The following ZMAT4 variants were observed in gnomAD, a reference collection of about 807,000 sequenced individuals.
ZMAT4 encodes zinc finger matrin-type protein 4.
In ZMAT4, 17 loss-of-function variants were observed where a neutral mutation model predicts 28.7. That is an observed-to-expected ratio of 0.59 (90% confidence interval 0.41 to 0.89). The LOEUF (loss-of-function observed/expected upper bound fraction) is 0.89. ZMAT4 is among the 40% of genes least tolerant of loss of function. The pLI, the probability that ZMAT4 is intolerant of heterozygous loss-of-function variation, is 0.00. For synonymous variants in ZMAT4, 117 were observed against 109.2 expected (o/e 1.07, Z -0.44); for missense variants, 240 against 283.8 (o/e 0.85, Z 1.11).
intron 3 of ZMAT4, among the ~76,000 whole-genome samples, chr8:40,715,349 A>G (rs1237017553): frequency 6.6e-6 from 1 of 152,150 alleles, no homozygotes; most frequent in Non-Finnish European, 1.5e-5. Flanking sequence ...TGGTACCCAG[A>G]GTGAGAGGCA....
At chr8:40,772,073 A>G (rs138643622) in intron 2 of ZMAT4, among the ~76,000 whole-genome samples, 43 of 152,282 alleles carry the variant, frequency 2.8e-4, no homozygotes, top group Admixed American at 9.2e-4. Flanking sequence ...AGAATTAACA[A>G]TCTCTTCCAA....
intron 5 of ZMAT4, among the ~76,000 whole-genome samples, chr8:40,622,542 G>A (rs1161496789): frequency 6.6e-6 from 1 of 152,168 alleles, no homozygotes; most frequent in Non-Finnish European, 1.5e-5. Flanking sequence ...GCTAAAGAGG[G>A]GATTATCTTT....
intron 5 of ZMAT4, among the ~76,000 whole-genome samples, chr8:40,644,598 T>C (rs1413177196): frequency 6.6e-6 from 1 of 152,192 alleles, no homozygotes; most frequent in African/African-American, 2.4e-5. Flanking sequence ...AGAGGATAGA[T>C]AAACCTCACA....
chr8:40,870,686 C>T (rs942851691), intron 1 of ZMAT4, among the ~76,000 whole-genome samples: 3 of 152,204 alleles, frequency 2.0e-5, no homozygotes, highest in Non-Finnish European at 2.9e-5. Flanking sequence ...CTGGCACCAA[C>T]ATGTCCTTCA....
intron 2 of ZMAT4, among the ~76,000 whole-genome samples, chr8:40,782,919 T>C (rs1332975480): frequency 6.6e-6 from 1 of 152,212 alleles, no homozygotes; most frequent in East Asian, 1.9e-4. Flanking sequence ...CAATAACAAG[T>C]GTTCCCCAAG....
At chr8:40,645,748 C>A (rs1807274842) in intron 5 of ZMAT4, among the ~76,000 whole-genome samples, 1 of 152,050 alleles carries the variant, frequency 6.6e-6, no homozygotes, top group Admixed American at 6.6e-5. Flanking sequence ...TAATTCATGG[C>A]AGGTGCAATT....
chr8:40,729,477 T>C (rs1170665597), intron 3 of ZMAT4, among the ~76,000 whole-genome samples: 1 of 152,238 alleles, frequency 6.6e-6, no homozygotes, highest in East Asian at 1.9e-4. Flanking sequence ...CAACATCATA[T>C]TTCAAGTAGT....
At chr8:40,825,737 G>T in intron 1 of ZMAT4, 57 bp from the exon 2 acceptor site, 2 of 1,375,396 alleles carry the variant, frequency 1.5e-6, no homozygotes, top group Non-Finnish European at 1.0e-6. Flanking sequence ...GTTTATGCAA[G>T]ATATTAACCG....
chr8:40,860,529 G>A (rs1817451631), intron 1 of ZMAT4, among the ~76,000 whole-genome samples: 1 of 152,124 alleles, frequency 6.6e-6, no homozygotes, highest in Non-Finnish European at 1.5e-5. Context: ...GCCCACACAT[G>A]AAGCTCTGTG....
intron 1 of ZMAT4, among the ~76,000 whole-genome samples, chr8:40,837,833 A>G (rs1388880452): frequency 6.6e-6 from 1 of 152,224 alleles, no homozygotes; most frequent in African/African-American, 2.4e-5. Context: ...GAGCATCTTT[A>G]CAGATGAGCC....
At chr8:40,762,384 G>T (rs1812979036) in intron 3 of ZMAT4, among the ~76,000 whole-genome samples, 1 of 152,128 alleles carries the variant, frequency 6.6e-6, no homozygotes, top group Non-Finnish European at 1.5e-5. Flanking sequence ...GCCAGGTGTG[G>T]TGGTTCATGC....
At chr8:40,649,096 G>C (rs1421095758) in intron 5 of ZMAT4, among the ~76,000 whole-genome samples, 2 of 144,716 alleles carry the variant, frequency 1.4e-5, no homozygotes, top group African/African-American at 5.0e-5. Flanking sequence ...AATGTAAATG[G>C]ACTAAATGCT....
intron 3 of ZMAT4, among the ~76,000 whole-genome samples, chr8:40,702,904 A>G (rs192664710): frequency 1.1e-3 from 166 of 152,342 alleles, no homozygotes; most frequent in African/African-American, 3.9e-3. Context: ...CATAGAGAGT[A>G]ATGGAGCGAT....
At chr8:40,703,120 C>G (rs1180262800) in intron 3 of ZMAT4, among the ~76,000 whole-genome samples, 2 of 152,110 alleles carry the variant, frequency 1.3e-5, no homozygotes, top group Non-Finnish European at 2.9e-5. Flanking sequence ...TCTCCCAGAC[C>G]TAATCCTGAA....
chr8:40,629,120 C>T (rs1806481243), intron 5 of ZMAT4, among the ~76,000 whole-genome samples: 1 of 151,134 alleles, frequency 6.6e-6, no homozygotes, highest in Non-Finnish European at 1.5e-5. Context: ...CGACCTCTAT[C>T]TTATTTTTTC....
intron 5 of ZMAT4, among the ~76,000 whole-genome samples, chr8:40,638,451 G>T (rs1251554208): frequency 6.6e-6 from 1 of 152,136 alleles, no homozygotes; most frequent in Non-Finnish European, 1.5e-5. Flanking sequence ...TTCAAGTAAG[G>T]GTTAAAAGCC....
intron 3 of ZMAT4, among the ~76,000 whole-genome samples, chr8:40,739,240 G>T (rs765371270): frequency 6.6e-6 from 1 of 152,122 alleles, no homozygotes; most frequent in South Asian, 2.1e-4. Context: ...TACCCAAAAG[G>T]AGTCACGGCA....
At chr8:40,601,456 G>GAAA (rs1563359885) in intron 5 of ZMAT4, among the ~76,000 whole-genome samples, 3,197 of 31,062 alleles carry the variant, frequency 0.1, 89 homozygotes, top group Middle Eastern at 0.12. Flanking sequence ...AAGGAAGGAA[G>GAAA]GGAGGAAGAA....
intron 1 of ZMAT4, among the ~76,000 whole-genome samples, chr8:40,886,999 G>A (rs368561387): frequency 5.9e-5 from 9 of 151,378 alleles, no homozygotes; most frequent in Admixed American, 1.3e-4. Context: ...GTGAAACCCC[G>A]TCTCTACTAA....
Sources: allele counts gnomAD v4.1 joint callset (sites outside exome capture counted in the v4.1 genomes callset), GRCh38; gene constraint gnomAD v4.1.1; transcripts MANE v1.5; gene names NCBI Gene and HGNC (gene_info 2026-07-23, HGNC 2026-07-21).